SYNE1: variants seen among roughly 807,000 people sequenced by gnomAD.
The protein encoded by SYNE1 is spectrin repeat containing nuclear envelope protein 1.
Under a neutral mutation model 1,111.0 loss-of-function variants are expected in SYNE1, and 616 were observed. The observed-to-expected ratio is 0.55, with a 90% CI of 0.52 to 0.59. The LOEUF (loss-of-function observed/expected upper bound fraction) is 0.59, where lower values mean the gene tolerates loss of function less well. Among genes scored for constraint, SYNE1 ranks in the 20% least tolerant of loss-of-function variants. SYNE1 has a pLI of 0.00. For synonymous variants in SYNE1, 3,855 were observed against 3,825.8 expected, an observed-to-expected ratio of 1.01 and a Z score of -0.28; for missense variants, 10,006 against 10,417.0, an observed-to-expected ratio of 0.96 and a Z score of 1.72.
Position 152,132,171 on chromosome 6 carries a change from C to T in SYNE1, c.26045G>A (p.Gly8682Glu). The change falls in exon 144 of 146, where the codon GGG (glycine) becomes GAG (glutamate). Residue 8682 changes from glycine to glutamate, a missense_variant. Physicochemically the swap from Gly to Glu is moderately conservative, Grantham distance 98 (BLOSUM62 -2). Around this residue, in one of 7 missense-constraint regions of SYNE1, gnomAD observed 761 missense variants for 795.5 expected, o/e 0.96. Coordinates refer to ENST00000367255, the MANE Select transcript of SYNE1 (RefSeq NM_182961.4). ...CCTTCCTGATGTGGGACTCACAGAC[C>T]CTGAGGTGTCCAGTTCATCAGCAGA... ...WSSADELDTSGSVSPTSGRST... is the reference protein window; with the variant it reads ...WSSADELDTSESVSPTSGRST... The T allele has an allele frequency of 6.2e-7, 1 of 1,614,086 alleles. No individual in the cohort carries two copies. The highest frequency in any genetic ancestry group is 8.5e-7 in the Non-Finnish European group (1 of 1,180,004).
chr6:152,396,667 A>T, intron 50 of SYNE1, 108 bp downstream of exon 50: 3 of 1,064,554 alleles, frequency 2.8e-6, no homozygotes, highest in African/African-American at 1.6e-5. Context: ...ATTATAATTT[A>T]AACTCACAGT....
Position 152,318,100 on chromosome 6 carries a change from C to G in SYNE1, c.16553G>C (p.Arg5518Pro). The change falls in exon 86 of 146, where the codon CGG becomes CCG. Residue 5518 changes from arginine to proline, a missense_variant. Around this residue, in one of 7 missense-constraint regions of SYNE1, gnomAD observed 4,955 missense variants for 5,017.2 expected, o/e 0.99. Coordinates refer to ENST00000367255, the MANE Select transcript of SYNE1 (RefSeq NM_182961.4). ...ACATACCTGATTGAGCTTGGAGAGC[C>G]GATTCTCAGCTTGTCTAATGGTCTG... ...HQQTIRQAEN[R>P]LSKLNQAASH... 6.2e-7 allele frequency: 1 copy of G among 1,614,142 alleles called. No individual in the cohort carries two copies. Among genetic ancestry groups the G allele is most frequent in the Non-Finnish European group, 8.5e-7 (1 of 1,180,032 alleles).
At chr6:152,509,071 A>T (rs2099072008) in intron 8 of SYNE1, among the ~76,000 whole-genome samples, 1 of 152,144 alleles carries the variant, frequency 6.6e-6, no homozygotes. Flanking sequence ...AAAACAAGAT[A>T]AAAAATGAGT....
At chr6:152,304,678 G>A (rs2095318780) in intron 91 of SYNE1, among the ~76,000 whole-genome samples, 3 of 152,142 alleles carry the variant, frequency 2.0e-5, no homozygotes, top group African/African-American at 7.2e-5. Flanking sequence ...TCCACCCTTT[G>A]TAATCACATG....
intron 28 of SYNE1, among the ~76,000 whole-genome samples, chr6:152,448,245 G>T (rs2098609607): frequency 6.6e-6 from 1 of 152,156 alleles, no homozygotes; most frequent in Non-Finnish European, 1.5e-5. Flanking sequence ...AGACTCCAGG[G>T]CTTCAGACCT....
At chr6:152,237,010 T>C in intron 108 of SYNE1, 62 bp from the exon 109 acceptor site, 1 of 1,596,544 alleles carries the variant, frequency 6.3e-7, no homozygotes, top group Non-Finnish European at 8.5e-7. Flanking sequence ...ACATTCTTCC[T>C]TGGGTGCAAA....
chr6:152,247,102 G>A (rs1013532671), intron 105 of SYNE1, among the ~76,000 whole-genome samples: 1 of 152,166 alleles, frequency 6.6e-6, no homozygotes, highest in Non-Finnish European at 1.5e-5. Flanking sequence ...AAGAAATGAA[G>A]GGATTCTCAG....
At chr6:152,318,747 A>G in intron 85 of SYNE1, 116 bp downstream of exon 85, 1 of 1,202,364 alleles carries the variant, frequency 8.3e-7, no homozygotes, top group East Asian at 2.5e-5. Flanking sequence ...ACCTGCTGTT[A>G]CTATTTGGTT....
At chr6:152,432,611 C>T (rs1274000386) in intron 34 of SYNE1, among the ~76,000 whole-genome samples, 1 of 151,634 alleles carries the variant, frequency 6.6e-6, no homozygotes, top group African/African-American at 2.4e-5. Flanking sequence ...TTGATATATT[C>T]CAGAAGCTCT....
At chr6:152,279,533 T>C (rs761801295) in intron 97 of SYNE1, among the ~76,000 whole-genome samples, 2 of 151,456 alleles carry the variant, frequency 1.3e-5, no homozygotes, top group Non-Finnish European at 1.5e-5. Context: ...CTGGGCAACA[T>C]AGTGAAACCC....
chr6:152,125,246 A>T, intron 145 of SYNE1: 1 of 1,549,288 alleles, frequency 6.5e-7, no homozygotes, highest in African/African-American at 1.4e-5. Context: ...ATGGTAATTC[A>T]GGTCGTATTC....
intron 55 of SYNE1, among the ~76,000 whole-genome samples, chr6:152,384,981 C>G (rs2097502080): frequency 6.6e-6 from 1 of 152,028 alleles, no homozygotes; most frequent in Non-Finnish European, 1.5e-5. Flanking sequence ...AAAACACAAT[C>G]TGAGTTTTAA....
chr6:152,427,439 G>A (rs189068711), intron 38 of SYNE1, among the ~76,000 whole-genome samples: 11 of 152,068 alleles, frequency 7.2e-5, no homozygotes, highest in African/African-American at 2.2e-4. Flanking sequence ...TTCAGATGCC[G>A]GGCATTACAT....
At chr6:152,238,900 AT>A (rs113859424) in intron 108 of SYNE1, among the ~76,000 whole-genome samples, 3,787 of 140,488 alleles carry the variant, frequency 0.027, 129 homozygotes, top group African/African-American at 0.086. Context: ...TTTTACTTTC[AT>A]TTTTTTTTTT....
At chr6:152,289,951 T>C (rs2094520284) in intron 95 of SYNE1, among the ~76,000 whole-genome samples, 1 of 140,620 alleles carries the variant, frequency 7.1e-6, no homozygotes, top group East Asian at 2.2e-4. Context: ...TTTTTAAGCC[T>C]ACAGTACCTG....
chr6:152,525,625 T>A (rs76515975), intron 5 of SYNE1, among the ~76,000 whole-genome samples: 1 of 152,158 alleles, frequency 6.6e-6, no homozygotes, highest in East Asian at 1.9e-4. Context: ...TGATGGATGA[T>A]GTCAACAAGA....
chr6:152,353,209 G>C, intron 69 of SYNE1, 54 bp downstream of exon 69: 1 of 1,601,286 alleles, frequency 6.2e-7, no homozygotes, highest in Non-Finnish European at 8.6e-7. Context: ...CAGGAGAATG[G>C]GGCAGCTTGG....
chr6:152,302,330 G>C, intron 91 of SYNE1: 1 of 553,702 alleles, frequency 1.8e-6, no homozygotes, highest in Non-Finnish European at 3.2e-6. Context: ...GGCCGAATGA[G>C]TGGTTTCTAA....
chr6:152,162,026 C>G (rs949827532), intron 131 of SYNE1, among the ~76,000 whole-genome samples: 1 of 152,172 alleles, frequency 6.6e-6, no homozygotes, highest in Non-Finnish European at 1.5e-5. Context: ...AACCCAGAGT[C>G]CCTCTGGTTT....
Sources: gnomAD v4.1 joint callset for allele counts (sites outside exome capture counted in the v4.1 genomes callset) on GRCh38, gnomAD v4.1.1 for gene constraint, gnomAD v4.1.1 regional missense constraint, MANE v1.5 for transcripts, NCBI Gene and HGNC (gene_info 2026-07-23, HGNC 2026-07-21) for gene names.